Variants in SLC1A2 observed in about 807,000 individuals in gnomAD.
SLC1A2 encodes the protein excitatory amino acid transporter 2.
SLC1A2 carries 15 observed loss-of-function variants against 48.8 expected under a neutral mutation model. That is an observed-to-expected ratio of 0.31 (90% confidence interval 0.21 to 0.47). SLC1A2 has a LOEUF of 0.47. SLC1A2 is among the 20% of genes least tolerant of loss of function. The pLI is 0.99. For missense variants in SLC1A2, 502 were observed against 730.5 expected (o/e 0.69, Z 3.61); for synonymous variants, 279 against 272.6 (o/e 1.02, Z -0.23).
chr11:35,324,798 C>T (rs1302833415), intron 1 of SLC1A2, among the ~76,000 whole-genome samples: 1 of 152,132 alleles, frequency 6.6e-6, no homozygotes, highest in Non-Finnish European at 1.5e-5. Context: ...CTTCCCCAGG[C>T]AGAGACTTAG....
intron 1 of SLC1A2, among the ~76,000 whole-genome samples, chr11:35,343,498 G>A (rs1852917234): frequency 6.6e-6 from 1 of 151,994 alleles, no homozygotes; most frequent in South Asian, 2.1e-4. Context: ...AACCCCACTG[G>A]GCATGACTTT....
At chr11:35,300,531 A>G (rs1851318367) in intron 6 of SLC1A2, among the ~76,000 whole-genome samples, 1 of 152,228 alleles carries the variant, frequency 6.6e-6, no homozygotes, top group South Asian at 2.1e-4. Context: ...GAGCACACAC[A>G]AAGGTGCCAA....
rs3829280 is a variant in SLC1A2 at position 35,255,176 on chromosome 11, A to T, written c.*5718T>A. 0.13 allele frequency: 27,417 copies of T among 212,014 alleles called. 1,837 individuals carry two copies. Among genetic ancestry groups the T allele is most frequent in the Admixed American group, 0.18 (3,423 of 18,562 alleles). 13.1% of individuals were successfully genotyped at this position (212,014 alleles called of 1,614,324 possible). On this transcript the variant is annotated 3_prime_UTR_variant, in exon 11 of 11. Coordinates refer to ENST00000278379, the MANE Select transcript of SLC1A2 (RefSeq NM_004171.4). ...TCACAACACAACAAATACCAACACTACTCTATTTAGCAGAAGTTTGGACAA... is the reference window on the plus strand; with the variant it reads ...TCACAACACAACAAATACCAACACTTCTCTATTTAGCAGAAGTTTGGACAA...
At chr11:35,281,124 C>A (rs1043690533) in intron 8 of SLC1A2, 123 bp from the exon 9 acceptor site, 10 of 1,298,100 alleles carry the variant, frequency 7.7e-6, no homozygotes, top group Non-Finnish European at 1.0e-5. Flanking sequence ...CCACCCCATA[C>A]TCTCCACCAA....
At chr11:35,370,954 A>T in intron 1 of SLC1A2, 1 of 985,282 alleles carries the variant, frequency 1.0e-6, no homozygotes, top group South Asian at 4.7e-5. Context: ...GCTTATTTGG[A>T]TAAATCATTC....
Position 35,253,776 on chromosome 11 carries a change from A to T in SLC1A2, c.*7118T>A, listed in dbSNP as rs1245976956. 6.6e-6 allele frequency: 1 copy of T among 152,606 alleles called. No individual in the cohort carries two copies. The highest frequency in any genetic ancestry group is 1.5e-5 in the Non-Finnish European group (1 of 68,036). The allele number at this position is 152,606 out of a possible 1,614,324, so 9.5% of individuals were successfully genotyped here. ...AACTTCTTGTGCTCTAATTAGTTATAATTCTACATGTGTGGTTACATAGAA... is the reference window on the plus strand; with the variant it reads ...AACTTCTTGTGCTCTAATTAGTTATTATTCTACATGTGTGGTTACATAGAA... On this transcript the variant is annotated 3_prime_UTR_variant, in exon 11 of 11. Transcript: ENST00000278379.
intron 1 of SLC1A2, among the ~76,000 whole-genome samples, chr11:35,384,345 T>C (rs1178099134): frequency 6.6e-6 from 1 of 152,188 alleles, no homozygotes; most frequent in Non-Finnish European, 1.5e-5. Flanking sequence ...AAGATGACTA[T>C]TCTCATCCAC....
intron 1 of SLC1A2, among the ~76,000 whole-genome samples, chr11:35,392,122 T>G (rs1854791462): frequency 6.6e-6 from 1 of 152,234 alleles, no homozygotes; most frequent in Admixed American, 6.5e-5. Flanking sequence ...TGCACGTGTG[T>G]GTGTGTGTTT....
At chr11:35,414,615 C>T (rs1855558281) in intron 1 of SLC1A2, among the ~76,000 whole-genome samples, 1 of 152,200 alleles carries the variant, frequency 6.6e-6, no homozygotes, top group Non-Finnish European at 1.5e-5. Context: ...AAAACCCTTT[C>T]TATGAAGCAT....
intron 9 of SLC1A2, among the ~76,000 whole-genome samples, chr11:35,272,673 G>A (rs374939354): frequency 3.3e-5 from 5 of 152,280 alleles, no homozygotes; most frequent in South Asian, 4.2e-4. Context: ...CCTGTCTTTC[G>A]CGTTGCCCTC....
At chr11:35,356,775 T>A (rs1036981383) in intron 1 of SLC1A2, among the ~76,000 whole-genome samples, 2 of 152,214 alleles carry the variant, frequency 1.3e-5, no homozygotes, top group Non-Finnish European at 2.9e-5. Context: ...ATAAAAGTAA[T>A]CCTTATTCTT....
chr11:35,358,112 T>G (rs1853547805), intron 1 of SLC1A2, among the ~76,000 whole-genome samples: 1 of 151,358 alleles, frequency 6.6e-6, no homozygotes, highest in Non-Finnish European at 1.5e-5. Context: ...GTCACTGTAC[T>G]CCAGCCTGGC....
intron 9 of SLC1A2, among the ~76,000 whole-genome samples, chr11:35,278,448 T>C (rs1483216386): frequency 6.6e-6 from 1 of 151,832 alleles, no homozygotes; most frequent in African/African-American, 2.4e-5. Context: ...GCTAATTATT[T>C]TTGCATTTTT....
At chr11:35,399,863 T>A (rs891032016) in intron 1 of SLC1A2, among the ~76,000 whole-genome samples, 1 of 151,996 alleles carries the variant, frequency 6.6e-6, no homozygotes, top group African/African-American at 2.4e-5. Context: ...CAACATAGGG[T>A]GATGTGGGAT....
At chr11:35,384,179 C>T (rs113898467) in intron 1 of SLC1A2, among the ~76,000 whole-genome samples, 5 of 152,138 alleles carry the variant, frequency 3.3e-5, no homozygotes, top group Non-Finnish European at 5.9e-5. Flanking sequence ...GAACAAGAAA[C>T]AAAATAGTAA....
intron 1 of SLC1A2, among the ~76,000 whole-genome samples, chr11:35,373,329 C>T (rs1279727225): frequency 2.0e-5 from 3 of 152,218 alleles, no homozygotes; most frequent in South Asian, 4.1e-4. Context: ...TGACCAAGTG[C>T]TGCTGTTTCC....
At chr11:35,288,343 G>T (rs1850891761) in intron 7 of SLC1A2, among the ~76,000 whole-genome samples, 1 of 152,136 alleles carries the variant, frequency 6.6e-6, no homozygotes. Context: ...TTTGTTGGGG[G>T]ACATCTCATA....
chr11:35,301,683 C>T (rs1565225784), intron 5 of SLC1A2, 38 bp from the exon 6 acceptor site: 4 of 1,599,234 alleles, frequency 2.5e-6, no homozygotes, highest in South Asian at 1.1e-5. Context: ...GGACAAATTA[C>T]AAAAAATGTA....
At chr11:35,273,478 A>G (rs2134648984) in intron 9 of SLC1A2, among the ~76,000 whole-genome samples, 1 of 152,338 alleles carries the variant, frequency 6.6e-6, no homozygotes, top group African/African-American at 2.4e-5. Context: ...GAAGATAATA[A>G]CTGCTAACAT....
Sources: gnomAD v4.1 joint callset for allele counts (sites outside exome capture counted in the v4.1 genomes callset) on GRCh38, gnomAD v4.1.1 for gene constraint, MANE v1.5 for transcripts, NCBI Gene and HGNC (gene_info 2026-07-23, HGNC 2026-07-21) for gene names.